MALRD1: variants seen among roughly 807,000 people sequenced by gnomAD.
MALRD1 encodes MAM and LDL receptor class A domain containing 1, also known as MAM and LDL-receptor class A domain-containing protein 1.
In MALRD1, 247 loss-of-function variants were observed where a neutral mutation model predicts 242.1. The ratio of observed to expected loss-of-function variants is 1.02; its 90% CI spans 0.92 to 1.13. MALRD1 has a LOEUF of 1.13. MALRD1 is among the 50% of genes most tolerant of loss of function. The pLI, the probability that MALRD1 is intolerant of heterozygous loss-of-function variation, is 0.00. For synonymous variants in MALRD1, 995 were observed against 866.6 expected (o/e 1.15, Z -2.60); for missense variants, 2,989 against 2,533.1 (o/e 1.18, Z -3.86).
intron 38 of MALRD1, 121 bp from the exon 39 acceptor site, chr10:19,730,585 G>T (rs1564575962): frequency 5.8e-6 from 6 of 1,041,912 alleles, no homozygotes; most frequent in South Asian, 1.4e-5. Context: ...ATACATTCAT[G>T]AAAATAAGTG....
Position 19,311,928 on chromosome 10 carries a change from A to G in MALRD1, c.3420-12021A>G, listed in dbSNP as rs938639542. Among the ~76,000 whole-genome samples the G allele has an allele frequency of 5.9e-5, 9 of 151,452 alleles. No homozygotes were observed. In the Admixed American group the frequency reaches 6.0e-4, roughly 10 times the overall value. ...TGATAGGCCACAAAACACTGTGGTG[A>G]TATTTGTTTACCTTCTGAAATACTT... On this transcript the variant is annotated intron_variant, in intron 21 of 39. Coordinates refer to ENST00000454679, the MANE Select transcript of MALRD1 (RefSeq NM_001142308.3).
At chr10:19,271,438 A>G (rs913637811) in intron 19 of MALRD1, among the ~76,000 whole-genome samples, 2 of 152,216 alleles carry the variant, frequency 1.3e-5, no homozygotes, top group Admixed American at 6.5e-5. Flanking sequence ...GACCTCCCTG[A>G]TGTTTACTAT....
chr10:19,723,884 C>G (rs1354041815), intron 38 of MALRD1, among the ~76,000 whole-genome samples: 2 of 151,570 alleles, frequency 1.3e-5, no homozygotes, highest in Admixed American at 1.3e-4. Context: ...GTGAATTTCA[C>G]TAAGCAGCTT....
chr10:19,665,039 C>G (rs2131742637), intron 36 of MALRD1, among the ~76,000 whole-genome samples: 1 of 152,246 alleles, frequency 6.6e-6, no homozygotes, highest in African/African-American at 2.4e-5. Flanking sequence ...ACTTTGTCCT[C>G]TACCCATCTT....
chr10:19,048,947 C>T lies in MALRD1; in HGVS notation c.9C>T (p.Phe3=). 1 of 1,233,910 alleles carries T rather than the reference C, an allele frequency of 8.1e-7. No homozygotes were observed. 76.4% of individuals were successfully genotyped at this position (1,233,910 alleles called of 1,614,324 possible). A position where few individuals can be genotyped will look rare whatever the true frequency, so the allele number is the denominator to read the frequency against. ...ATAGACAATACCAAGTAATGCTCTT[C>T]TTCCTGGACAGAATGTTGGCATTCC... ML[F]FLDRMLAFPM... The change falls in exon 1 of 40, where the codon TTC becomes TTT. Residue 3 remains phenylalanine (F), a synonymous_variant. Coordinates refer to ENST00000454679, the MANE Select transcript of MALRD1 (RefSeq NM_001142308.3).
chr10:19,365,659 T>TA lies in MALRD1; in HGVS notation c.4441+13391dup, dbSNP rs199989681. ...GATAATTGACATGTTTTATAAATTCTAAAAAAAAAAAAAAAAAAAAAAAAA... is the reference window on the plus strand; with the variant it reads ...GATAATTGACATGTTTTATAAATTCTAAAAAAAAAAAAAAAAAAAAAAAAAA... On this transcript the variant is annotated intron_variant, in intron 26 of 39. Transcript: ENST00000454679. Among the ~76,000 whole-genome samples the TA allele has an allele frequency of 1.5e-3, 184 of 122,878 alleles. 1 individual carries two copies. The highest frequency in any genetic ancestry group is 5.4e-3 in the East Asian group (21 of 3,884). The allele number at this position is 122,878 out of a possible 152,430, so 80.6% of individuals were successfully genotyped here. A position where few individuals can be genotyped will look rare whatever the true frequency, so the allele number is the denominator to read the frequency against.
At chr10:19,506,757 G>C (rs2131274334) in intron 31 of MALRD1, among the ~76,000 whole-genome samples, 1 of 152,166 alleles carries the variant, frequency 6.6e-6, no homozygotes, top group East Asian at 1.9e-4. Flanking sequence ...ATATACTGAA[G>C]TATTTAAAGA....
intron 1 of MALRD1, among the ~76,000 whole-genome samples, chr10:19,062,386 A>C (rs1834848411): frequency 6.6e-6 from 1 of 152,232 alleles, no homozygotes. Context: ...TCAAAATATT[A>C]GAAATAGAAT....
chr10:19,608,597 A>T (rs897225709), intron 35 of MALRD1, among the ~76,000 whole-genome samples: 2 of 152,138 alleles, frequency 1.3e-5, no homozygotes, highest in Non-Finnish European at 2.9e-5. Context: ...ATATAAATTA[A>T]TGATAGAGAT....
At chr10:19,133,772 CT>C (rs1194015739) in intron 8 of MALRD1, 83 bp from the exon 9 acceptor site, 3 of 516,106 alleles carry the variant, frequency 5.8e-6, no homozygotes, top group Non-Finnish European at 8.9e-6. Context: ...GTAATACCTA[CT>C]ACAGTGTAAT....
At chr10:19,577,976 GTTCTC>G (rs1836914464) in intron 33 of MALRD1, among the ~76,000 whole-genome samples, 1 of 152,022 alleles carries the variant, frequency 6.6e-6, no homozygotes, top group South Asian at 2.1e-4. Flanking sequence ...GCCCTGTTTT[GTTCTC>G]TTGGGCTATG....
intron 14 of MALRD1, among the ~76,000 whole-genome samples, chr10:19,199,441 CAA>C (rs1836422901): frequency 6.6e-6 from 1 of 152,130 alleles, no homozygotes. Flanking sequence ...AGAATCATGA[CAA>C]TAATAATGAG....
intron 1 of MALRD1, chr10:19,051,307 C>G (rs904910476): frequency 1.3e-5 from 2 of 152,012 alleles, no homozygotes; most frequent in Non-Finnish European, 1.5e-5. Flanking sequence ...AAAAAGTCCC[C>G]TTTAACATCC....
At chr10:19,329,891 G>A (rs2130916213) in intron 23 of MALRD1, among the ~76,000 whole-genome samples, 1 of 152,264 alleles carries the variant, frequency 6.6e-6, no homozygotes, top group African/African-American at 2.4e-5. Flanking sequence ...TTTGAACAAG[G>A]CAAGTATCTG....
At chr10:19,185,391 T>C (rs1835693265) in intron 14 of MALRD1, among the ~76,000 whole-genome samples, 1 of 152,186 alleles carries the variant, frequency 6.6e-6, no homozygotes, top group Non-Finnish European at 1.5e-5. Flanking sequence ...AACAATTTCC[T>C]ATATTCTACT....
intron 26 of MALRD1, among the ~76,000 whole-genome samples, chr10:19,372,208 A>G (rs983169260): frequency 3.3e-5 from 5 of 152,194 alleles, no homozygotes; most frequent in Non-Finnish European, 4.4e-5. Flanking sequence ...AATATGAACA[A>G]TGGATATACA....
rs1834329993 is a variant in MALRD1, at chr10:19,435,824, C to T, written c.4846-14483C>T. The stretch of plus-strand genomic sequence containing the variant: ...CGCTCAAGGAGTGAGAAATCATGGT[C>T]CACCTCCGTAAGGGTGGAGTATCTA... On this transcript the variant is annotated intron_variant, in intron 28 of 39. Transcript: ENST00000454679. Among the ~76,000 whole-genome samples the T allele has an allele frequency of 2.0e-5, 3 of 152,228 alleles. No homozygotes were observed. The South Asian group carries it at 6.2e-4, about 32-fold the overall frequency.
chr10:19,194,511 G>A (rs1185807881), intron 14 of MALRD1, among the ~76,000 whole-genome samples: 2 of 152,056 alleles, frequency 1.3e-5, no homozygotes, highest in Non-Finnish European at 2.9e-5. Context: ...TAATGACACT[G>A]TCAGTCTATT....
intron 22 of MALRD1, among the ~76,000 whole-genome samples, chr10:19,325,304 C>T (rs1351461475): frequency 1.3e-5 from 2 of 151,810 alleles, no homozygotes. Context: ...CTAAAAAGGC[C>T]CATTATTCTT....
Sources: allele counts gnomAD v4.1 joint callset (sites outside exome capture counted in the v4.1 genomes callset), GRCh38; gene constraint gnomAD v4.1.1; transcripts MANE v1.5; gene names NCBI Gene and HGNC (gene_info 2026-07-23, HGNC 2026-07-21).